HDX: variants seen among roughly 807,000 people sequenced by gnomAD.
The protein encoded by HDX is chromosome X open reading frame 43.
Under a neutral mutation model 45.2 loss-of-function variants are expected in HDX, and 19 were observed. The observed-to-expected ratio is 0.42, with a 90% CI of 0.29 to 0.62. The LOEUF is 0.62. HDX is among the 20% of genes least tolerant of loss of function. The probability of loss-of-function intolerance (pLI) is 0.20; values close to 1 mark genes in which losing one functional copy is unlikely to be tolerated. For missense variants in HDX, 532 were observed against 493.9 expected (o/e 1.08, Z -0.73); for synonymous variants, 188 against 172.8 (o/e 1.09, Z -0.69).
intron 5 of HDX, among the ~76,000 whole-genome samples, chrX:84,409,252 G>C (rs934629471): frequency 3.6e-5 from 4 of 111,175 alleles, no homozygotes; most frequent in South Asian, 7.7e-4. Context: ...TGGAGAAATA[G>C]GGACACTTTT....
At chrX:84,461,220 C>A (rs1196525768) in intron 4 of HDX, among the ~76,000 whole-genome samples, 1 of 111,462 alleles carries the variant, frequency 9.0e-6, no homozygotes, top group East Asian at 2.8e-4. Context: ...CCAAAGCTAT[C>A]CAGAGCAAAA....
At chrX:84,334,858 A>G (rs907588657) in intron 8 of HDX, among the ~76,000 whole-genome samples, 1 of 111,012 alleles carries the variant, frequency 9.0e-6, no homozygotes, top group African/African-American at 3.3e-5. Flanking sequence ...ATAAATAGCA[A>G]CATGTTGTAG....
chrX:84,319,282 A>G lies in HDX; in HGVS notation c.*2607T>C, dbSNP rs1204296516. ...AGTTAATTTTTATCCCCAGCCATGA[A>G]GATGTCCACAAGAGTAATTATAAGC... On this transcript the variant is annotated 3_prime_UTR_variant, in exon 11 of 11. Transcript: ENST00000373177. 9.0e-6 allele frequency: 1 copy of G among 111,097 alleles called. No individual in the cohort carries two copies. The highest frequency in any genetic ancestry group is 1.9e-5 in the Non-Finnish European group (1 of 52,515). 9.2% of individuals were successfully genotyped at this position (111,097 alleles called of 1,213,427 possible).
In HDX at chrX:84,330,963, A is replaced by C. The variant is rs749802517; in HGVS notation, c.1824+2796T>G. Among the ~76,000 whole-genome samples the C allele has an allele frequency of 4.5e-5, 5 of 111,779 alleles. No homozygotes were observed. In the South Asian group the frequency reaches 1.8e-3, roughly 41 times the overall value. Reference sequence around the variant, plus strand: ...ATCATAACATCAGTTACTGAATATCATAAAACAAGATCTATCTTATTTTTA... The same window carrying C: ...ATCATAACATCAGTTACTGAATATCCTAAAACAAGATCTATCTTATTTTTA... On this transcript the variant is annotated intron_variant, in intron 9 of 10. Transcript: ENST00000373177.
intron 5 of HDX, among the ~76,000 whole-genome samples, chrX:84,369,415 T>C (rs1437489713): frequency 8.9e-6 from 1 of 112,314 alleles, no homozygotes; most frequent in Non-Finnish European, 1.9e-5. Flanking sequence ...TGTTTTTAAT[T>C]CCTTGGAATA....
At chrX:84,455,447 G>C (rs1602489432) in intron 4 of HDX, among the ~76,000 whole-genome samples, 1 of 112,247 alleles carries the variant, frequency 8.9e-6, no homozygotes, top group Non-Finnish European at 1.9e-5. Context: ...ATGCATCAGA[G>C]TATCTTGGGA....
chrX:84,381,707 T>C (rs1183992275), intron 5 of HDX, among the ~76,000 whole-genome samples: 1 of 111,465 alleles, frequency 9.0e-6, no homozygotes, highest in Non-Finnish European at 1.9e-5. Context: ...CAAAACAAAA[T>C]GGCCTTAAAC....
intron 3 of HDX, among the ~76,000 whole-genome samples, chrX:84,470,247 A>G (rs1383860358): frequency 1.8e-5 from 2 of 111,580 alleles, no homozygotes; most frequent in Non-Finnish European, 3.8e-5. Flanking sequence ...CTAGGCTCTA[A>G]TATTTTCAAA....
intron 5 of HDX, among the ~76,000 whole-genome samples, chrX:84,390,481 G>A (rs981155178): frequency 6.3e-5 from 7 of 111,393 alleles, no homozygotes; most frequent in African/African-American, 2.3e-4. Context: ...TCTAGAGGGT[G>A]GGCAGGGATT....
chrX:84,440,704 C>T (rs973449891), intron 4 of HDX, 119 bp from the exon 5 acceptor site: 1 of 442,789 alleles, frequency 2.3e-6, no homozygotes, highest in African/African-American at 2.6e-5. Flanking sequence ...AACATATTCC[C>T]CACGTATAAA....
At chrX:84,425,320 T>G (rs1045774015) in intron 5 of HDX, among the ~76,000 whole-genome samples, 1 of 111,822 alleles carries the variant, frequency 8.9e-6, no homozygotes, top group African/African-American at 3.2e-5. Flanking sequence ...CAATAACAAA[T>G]GCTGATGAGG....
chrX:84,350,423 T>C (rs1229589892), intron 6 of HDX, among the ~76,000 whole-genome samples: 1 of 111,526 alleles, frequency 9.0e-6, no homozygotes, highest in African/African-American at 3.3e-5. Flanking sequence ...AGAAGGCTGA[T>C]GAAATCTCCA....
At chrX:84,401,208 C>G (rs2038696125) in intron 5 of HDX, among the ~76,000 whole-genome samples, 1 of 111,904 alleles carries the variant, frequency 8.9e-6, no homozygotes, top group South Asian at 3.7e-4. Flanking sequence ...CAAATGAGAT[C>G]TAATTAAACT....
intron 5 of HDX, among the ~76,000 whole-genome samples, chrX:84,435,101 T>A (rs1452759883): frequency 9.0e-6 from 1 of 111,424 alleles, no homozygotes; most frequent in Non-Finnish European, 1.9e-5. Flanking sequence ...TTGCTTATCT[T>A]TTCAGAAAAC....
At chrX:84,385,109 T>C (rs1288653165) in intron 5 of HDX, among the ~76,000 whole-genome samples, 1 of 109,462 alleles carries the variant, frequency 9.1e-6, no homozygotes, top group Non-Finnish European at 1.9e-5. Flanking sequence ...GTTAATTGCT[T>C]TGGGTGATGT....
At chrX:84,328,481 G>C (rs2036767804) in intron 9 of HDX, among the ~76,000 whole-genome samples, 1 of 111,620 alleles carries the variant, frequency 9.0e-6, no homozygotes, top group Non-Finnish European at 1.9e-5. Flanking sequence ...CCATACATCT[G>C]ACAAAGGACT....
At chrX:84,469,609 A>AC (rs2040419604) in intron 3 of HDX, 34 bp from the exon 4 acceptor site, 1 of 1,104,090 alleles carries the variant, frequency 9.1e-7, no homozygotes, top group Non-Finnish European at 1.2e-6. Context: ...ATGAAAAAAA[A>AC]ATTAAAAACA....
chrX:84,449,966 G>T lies in HDX; in HGVS notation c.1252-9381C>A, dbSNP rs140607075. Reference sequence around the variant, plus strand: ...ACACCGGGCCTGTTGTGGGGTGGGGGGAAGGGGAGGGATAGCATTGGGAGA... The same window carrying T: ...ACACCGGGCCTGTTGTGGGGTGGGGTGAAGGGGAGGGATAGCATTGGGAGA... On this transcript the variant is annotated intron_variant, in intron 4 of 10. Transcript: ENST00000373177. Among the ~76,000 whole-genome samples, 3 of 110,361 alleles carry T rather than the reference G, an allele frequency of 2.7e-5. No individual in the cohort carries two copies. In the Admixed American group the frequency reaches 2.9e-4, roughly 11 times the overall value.
rs889530999 is a variant in HDX, at chrX:84,361,683, G to A, written c.1306-71C>T. 24 of 852,106 alleles carry A rather than the reference G, an allele frequency of 2.8e-5. No individual in the cohort carries two copies. In the African/African-American group the frequency reaches 4.3e-4, roughly 15 times the overall value. 70.2% of individuals were successfully genotyped at this position (852,106 alleles called of 1,213,427 possible). A position where few individuals can be genotyped will look rare whatever the true frequency, so the allele number is the denominator to read the frequency against. On this transcript the variant is annotated intron_variant, in intron 5 of 10. Coordinates refer to ENST00000373177, the MANE Select transcript of HDX (RefSeq NM_001177479.2). ...TAATCAAAGGAAATAATATTATAAA[G>A]AGAAGCATCAGGGTGAGATGTGCTA... is the stretch of plus-strand genomic sequence containing the variant.
Sources: allele counts gnomAD v4.1 joint callset (sites outside exome capture counted in the v4.1 genomes callset), GRCh38; gene constraint gnomAD v4.1.1; transcripts MANE v1.5; gene names NCBI Gene and HGNC (gene_info 2026-07-23, HGNC 2026-07-21).